Variants in SUGCT observed in about 807,000 individuals in gnomAD.
SUGCT encodes succinyl-CoA:glutarate-CoA transferase, also known as succinyl-CoA:glutarate CoA-transferase.
SUGCT carries 41 observed loss-of-function variants against 55.0 expected under a neutral mutation model. That is an observed-to-expected ratio of 0.74 (90% confidence interval 0.58 to 0.97). The LOEUF (loss-of-function observed/expected upper bound fraction) is 0.97, where lower values mean the gene tolerates loss of function less well. Ranked by LOEUF, SUGCT falls within the 50% of genes least tolerant of loss-of-function variation. The pLI, the probability that SUGCT is intolerant of heterozygous loss-of-function variation, is 0.00. For synonymous variants in SUGCT, 187 were observed against 200.4 expected, an observed-to-expected ratio of 0.93 and a Z score of 0.56; for missense variants, 568 against 547.8, an observed-to-expected ratio of 1.04 and a Z score of -0.37.
intron 12 of SUGCT, among the ~76,000 whole-genome samples, chr7:40,588,375 T>G (rs1797519828): frequency 6.6e-6 from 1 of 152,132 alleles, no homozygotes; most frequent in African/African-American, 2.4e-5. Flanking sequence ...TGTTCACTAG[T>G]TTTGTTATGT....
chr7:40,559,337 G>A (rs796737733), intron 12 of SUGCT, among the ~76,000 whole-genome samples: 5 of 152,364 alleles, frequency 3.3e-5, no homozygotes, highest in African/African-American at 9.6e-5. Flanking sequence ...TGTGGTGTTT[G>A]AGTGTTTTAG....
intron 1 of SUGCT, among the ~76,000 whole-genome samples, chr7:40,164,328 C>T (rs892205704): frequency 1.3e-5 from 2 of 152,134 alleles, no homozygotes; most frequent in South Asian, 2.1e-4. Context: ...TGAGGTTTCA[C>T]CATATTGGCC....
At position 40,509,942 on chromosome 7, in the gene SUGCT, A is replaced by G. The variant is rs572940453; in HGVS notation, c.1089+13556A>G. Among the ~76,000 whole-genome samples, 46 of 152,256 alleles carry G rather than the reference A, an allele frequency of 3.0e-4. 2 individuals are homozygous for G. In the South Asian group the frequency reaches 8.5e-3, roughly 28 times the overall value. On this transcript the variant is annotated intron_variant, in intron 12 of 13. Coordinates refer to ENST00000335693, the MANE Select transcript of SUGCT (RefSeq NM_001193313.2). ...CTGAATGTTCCAACTTTAAAGCAAC[A>G]TTTTCTTACTATTTTTGAAAAAAGT...
chr7:40,880,203 T>C, the SUGCT span, among the ~76,000 whole-genome samples: 1 of 152,240 alleles, frequency 6.6e-6, no homozygotes. Flanking sequence ...TATTCTTTTA[T>C]GACCCATAGC....
chr7:40,855,842 T>C (rs1404723296), intron 13 of SUGCT, among the ~76,000 whole-genome samples: 1 of 152,198 alleles, frequency 6.6e-6, no homozygotes, highest in Non-Finnish European at 1.5e-5. Context: ...CAAAAATCCA[T>C]ATTAAAAATT....
chr7:40,329,551 C>T (rs1387330618), intron 9 of SUGCT, among the ~76,000 whole-genome samples: 1 of 152,140 alleles, frequency 6.6e-6, no homozygotes, highest in African/African-American at 2.4e-5. Flanking sequence ...TCCTTCTCGC[C>T]TGAGGGTGAA....
the SUGCT span, among the ~76,000 whole-genome samples, chr7:40,887,592 G>T: frequency 1.3e-5 from 2 of 152,144 alleles, no homozygotes; most frequent in African/African-American, 4.8e-5. Flanking sequence ...AATACACAGG[G>T]GTGAGAAGGT....
At chr7:40,946,647 G>A in the SUGCT span, among the ~76,000 whole-genome samples, 2 of 151,952 alleles carry the variant, frequency 1.3e-5, no homozygotes, top group Admixed American at 1.3e-4. Flanking sequence ...ACATTCTCTT[G>A]GTTTTGGTTT....
intron 13 of SUGCT, among the ~76,000 whole-genome samples, chr7:40,824,822 A>G (rs117576354): frequency 1.4e-4 from 21 of 152,152 alleles, no homozygotes; most frequent in Non-Finnish European, 2.8e-4. Flanking sequence ...GAGTGAGCCT[A>G]CTCCTGATAA....
intron 12 of SUGCT, among the ~76,000 whole-genome samples, chr7:40,519,093 T>C (rs1793395649): frequency 6.6e-6 from 1 of 152,090 alleles, no homozygotes; most frequent in Non-Finnish European, 1.5e-5. Flanking sequence ...ACTTTTGCGA[T>C]AGTATCTCCA....
intron 9 of SUGCT, among the ~76,000 whole-genome samples, chr7:40,417,357 G>A (rs1787060408): frequency 6.6e-6 from 1 of 151,654 alleles, no homozygotes; most frequent in Non-Finnish European, 1.5e-5. Flanking sequence ...TTTTCTATAA[G>A]CAAGACTTTA....
At chr7:40,835,890 C>CTTTTTTT (rs1011199588) in intron 13 of SUGCT, among the ~76,000 whole-genome samples, 2 of 136,076 alleles carry the variant, frequency 1.5e-5, no homozygotes, top group Non-Finnish European at 3.2e-5. Context: ...TCTTTTTTTT[C>CTTTTTTT]TTTTTTTTTT....
rs564891054 is a variant in SUGCT at position 40,583,981 on chromosome 7, T to C, written c.1089+87595T>C. Among the ~76,000 whole-genome samples, 16 of 152,314 alleles carry C rather than the reference T, an allele frequency of 1.1e-4. No homozygotes were observed. The South Asian group carries it at 3.1e-3, about 30-fold the overall frequency. ...TGAAGCATACACTTACATCTCTCTA[T>C]ATAAGTTGGTGGAGTTGAATTCTAC... is the stretch of plus-strand genomic sequence containing the variant. On this transcript the variant is annotated intron_variant, in intron 12 of 13. Transcript: ENST00000335693.
intron 13 of SUGCT, among the ~76,000 whole-genome samples, chr7:40,859,406 T>C (rs2128808769): frequency 6.6e-6 from 1 of 152,306 alleles, no homozygotes; most frequent in South Asian, 2.1e-4. Context: ...CTTTAGGTTT[T>C]AGGGGTTTTC....
chr7:40,857,328 G>C (rs1206391020), intron 13 of SUGCT, among the ~76,000 whole-genome samples: 4 of 152,032 alleles, frequency 2.6e-5, no homozygotes, highest in Admixed American at 6.6e-5. Context: ...TATTGCACAG[G>C]GTTGCAAGAA....
intron 12 of SUGCT, among the ~76,000 whole-genome samples, chr7:40,732,955 A>G (rs148036302): frequency 0.019 from 2,911 of 151,760 alleles, 92 homozygotes; most frequent in African/African-American, 0.068. Context: ...CATGTCTGTA[A>G]TCCCAGCTAT....
chr7:40,363,934 T>A (rs996394710), intron 9 of SUGCT, among the ~76,000 whole-genome samples: 1 of 152,196 alleles, frequency 6.6e-6, no homozygotes, highest in African/African-American at 2.4e-5. Flanking sequence ...CCCGTTATTA[T>A]TGTGTGGGAG....
chr7:40,429,329 G>T (rs117233937), intron 9 of SUGCT, among the ~76,000 whole-genome samples: 1 of 152,070 alleles, frequency 6.6e-6, no homozygotes, highest in Non-Finnish European at 1.5e-5. Flanking sequence ...ATTAGTCAGG[G>T]TTCTCTAGAG....
intron 12 of SUGCT, among the ~76,000 whole-genome samples, chr7:40,705,786 G>A (rs572877540): frequency 4.6e-4 from 70 of 152,236 alleles, no homozygotes; most frequent in African/African-American, 1.6e-3. Flanking sequence ...ATTTTACTGG[G>A]ACAACAGGGA....
Sources: allele counts gnomAD v4.1 joint callset (sites outside exome capture counted in the v4.1 genomes callset), GRCh38; gene constraint gnomAD v4.1.1; transcripts MANE v1.5; gene names NCBI Gene and HGNC (gene_info 2026-07-23, HGNC 2026-07-21).